DENND1B: variants seen among roughly 807,000 people sequenced by gnomAD.
DENND1B encodes the protein DENN domain-containing protein 1B.
In DENND1B, 59 loss-of-function variants were observed where a neutral mutation model predicts 90.1. That is an observed-to-expected ratio of 0.65 (90% CI 0.53 to 0.81). The LOEUF is 0.81. Among genes scored for constraint, DENND1B ranks in the 40% least tolerant of loss-of-function variants. The pLI is 0.00. For missense variants in DENND1B, 862 were observed against 912.6 expected (o/e 0.94, Z 0.71); for synonymous variants, 337 against 324.6 (o/e 1.04, Z -0.41).
At chr1:197,756,433 G>C (rs1369121611) in intron 2 of DENND1B, among the ~76,000 whole-genome samples, 2 of 151,906 alleles carry the variant, frequency 1.3e-5, no homozygotes, top group African/African-American at 2.4e-5. Context: ...AAATTAGCTG[G>C]GTGTGGTGGC....
At chr1:197,721,927 G>T (rs1211862487) in intron 2 of DENND1B, among the ~76,000 whole-genome samples, 1 of 152,102 alleles carries the variant, frequency 6.6e-6, no homozygotes, top group African/African-American at 2.4e-5. Flanking sequence ...AATTATGGAG[G>T]ACTATAGTTA....
At chr1:197,522,194 A>G (rs538271017) in intron 20 of DENND1B, among the ~76,000 whole-genome samples, 1 of 152,246 alleles carries the variant, frequency 6.6e-6, no homozygotes, top group Non-Finnish European at 1.5e-5. Context: ...AGAGCTGAAC[A>G]TACTTTGCGA....
intron 2 of DENND1B, among the ~76,000 whole-genome samples, chr1:197,731,978 G>A (rs556113607): frequency 1.1e-4 from 17 of 152,208 alleles, no homozygotes; most frequent in African/African-American, 2.4e-4. Context: ...ATCACTATTC[G>A]CTATCACTTT....
chr1:197,770,612 A>G (rs989796691), intron 2 of DENND1B, among the ~76,000 whole-genome samples: 2 of 138,832 alleles, frequency 1.4e-5, no homozygotes, highest in Admixed American at 7.8e-5. Context: ...GTGTGTATAT[A>G]TATCTATAAA....
rs7525815 is a variant in DENND1B, at chr1:197,738,887, T to C, written c.83-23813A>G. Among the ~76,000 whole-genome samples, 686 of 152,312 alleles carry C rather than the reference T, an allele frequency of 4.5e-3. 5 individuals carry two copies. Among genetic ancestry groups the C allele is most frequent in the Middle Eastern group, 0.031 (9 of 294 alleles). ...CTTAATATCTGGAGTTTCCAGGATGTGGCACAAGGTGGGAGAAACCCAGGC... is the reference window on the plus strand; with the variant it reads ...CTTAATATCTGGAGTTTCCAGGATGCGGCACAAGGTGGGAGAAACCCAGGC... On this transcript the variant is annotated intron_variant, in intron 2 of 22. Transcript: ENST00000620048.
rs191590360 is a variant in DENND1B, at chr1:197,717,828, T to C, written c.83-2754A>G. ...TGATTCTACTACACTACAAAAAGAG[T>C]ATGCAGTAAAAGAGCTCCAATTTGC... is the stretch of plus-strand genomic sequence containing the variant. On this transcript the variant is annotated intron_variant, in intron 2 of 22. Coordinates refer to ENST00000620048, the MANE Select transcript of DENND1B (RefSeq NM_001195215.2). 7.3e-4 allele frequency among the ~76,000 whole-genome samples: 111 copies of C among 151,820 alleles called. 1 individual carries two copies. Among genetic ancestry groups the C allele is most frequent in the African/African-American group, 2.5e-3 (103 of 41,466 alleles).
At chr1:197,531,305 G>C (rs1285292882) in intron 20 of DENND1B, among the ~76,000 whole-genome samples, 1 of 151,924 alleles carries the variant, frequency 6.6e-6, no homozygotes, top group Non-Finnish European at 1.5e-5. Flanking sequence ...GTAGGAACAT[G>C]AAAATTATCT....
At position 197,672,157 on chromosome 1, in the gene DENND1B, C is replaced by A; in HGVS notation, c.177-1G>T. ...CTGTCCAACTTGATTCTGAGACACC[C>A]TAAAATATAGTAACATTAGGAAACA... On this transcript the variant is annotated splice_acceptor_variant, in intron 4 of 22. Coordinates refer to ENST00000620048, the MANE Select transcript of DENND1B (RefSeq NM_001195215.2). LOFTEE classifies it high-confidence loss of function. The A allele has an allele frequency of 6.2e-7, 1 of 1,600,054 alleles. No homozygotes were observed. The highest frequency in any genetic ancestry group is 1.1e-5 in the South Asian group (1 of 87,954).
intron 5 of DENND1B, 23 bp downstream of exon 5, chr1:197,672,014 T>G (rs1655560662): frequency 6.3e-7 from 1 of 1,587,828 alleles, no homozygotes; most frequent in South Asian, 1.1e-5. Context: ...TTGCATCTAA[T>G]TTTTTTTACT....
intron 2 of DENND1B, chr1:197,734,615 T>TA (rs1269240009): frequency 2.0e-6 from 2 of 983,630 alleles, no homozygotes; most frequent in African/African-American, 3.5e-5. Flanking sequence ...CATTCGTAAT[T>TA]TAAAAAAAAA....
intron 20 of DENND1B, among the ~76,000 whole-genome samples, chr1:197,537,558 T>C (rs1477065114): frequency 6.6e-6 from 1 of 152,068 alleles, no homozygotes; most frequent in Non-Finnish European, 1.5e-5. Flanking sequence ...AGATTTTAGG[T>C]GTTCTTACTT....
intron 3 of DENND1B, among the ~76,000 whole-genome samples, chr1:197,694,928 T>G (rs1015286329): frequency 6.6e-6 from 1 of 151,310 alleles, no homozygotes; most frequent in African/African-American, 2.4e-5. Flanking sequence ...ATCTAAAATG[T>G]ACGCAAAAAT....
chr1:197,518,574 T>A (rs1199246545), intron 20 of DENND1B, among the ~76,000 whole-genome samples: 1 of 151,904 alleles, frequency 6.6e-6, no homozygotes, highest in Non-Finnish European at 1.5e-5. Context: ...TTCTTGGGCT[T>A]AGTTGCTTAG....
Position 197,583,265 on chromosome 1 carries a change from T to A in DENND1B, c.1048-12A>T. On this transcript the variant is annotated splice_polypyrimidine_tract_variant and intron_variant, in intron 14 of 22. Transcript: ENST00000620048. ...GTGATGGGCTCACCCTAGATAGAAATAAAGATTTTAAGGGCATCAATAAAA... is the reference window on the plus strand; with the variant it reads ...GTGATGGGCTCACCCTAGATAGAAAAAAAGATTTTAAGGGCATCAATAAAA... 6.2e-7 allele frequency: 1 copy of A among 1,612,384 alleles called. No individual in the cohort carries two copies. The highest frequency in any genetic ancestry group is 8.5e-7 in the Non-Finnish European group (1 of 1,178,778).
intron 2 of DENND1B, among the ~76,000 whole-genome samples, chr1:197,750,547 T>C (rs1250868373): frequency 1.3e-5 from 2 of 149,970 alleles, no homozygotes; most frequent in African/African-American, 4.9e-5. Flanking sequence ...GCAATGATTG[T>C]TAGACTGGAT....
At chr1:197,594,157 C>T (rs1480068734) in intron 14 of DENND1B, among the ~76,000 whole-genome samples, 1 of 152,120 alleles carries the variant, frequency 6.6e-6, no homozygotes, top group Non-Finnish European at 1.5e-5. Context: ...AGCAGCTGAA[C>T]TTATAAAAAT....
chr1:197,697,858 A>G (rs1006709849), intron 3 of DENND1B, among the ~76,000 whole-genome samples: 2 of 152,108 alleles, frequency 1.3e-5, no homozygotes, highest in Admixed American at 1.3e-4. Context: ...CAATTCAACA[A>G]GAAGAGTTAA....
chr1:197,577,113 G>T (rs1430247030), intron 15 of DENND1B, among the ~76,000 whole-genome samples: 1 of 152,024 alleles, frequency 6.6e-6, no homozygotes, highest in Non-Finnish European at 1.5e-5. Flanking sequence ...CTTAGTGAGG[G>T]GGAGGGACAC....
chr1:197,721,841 G>T (rs41418447), intron 2 of DENND1B, among the ~76,000 whole-genome samples: 5,072 of 152,020 alleles, frequency 0.033, 288 homozygotes, highest in African/African-American at 0.11. Flanking sequence ...TATAATTCTA[G>T]TTCCATATCC....
Sources: gnomAD v4.1 joint callset for allele counts (sites outside exome capture counted in the v4.1 genomes callset) on GRCh38, gnomAD v4.1.1 for gene constraint, MANE v1.5 for transcripts, NCBI Gene and HGNC (gene_info 2026-07-23, HGNC 2026-07-21) for gene names.